LARP1B: variants seen among roughly 807,000 people sequenced by gnomAD.
LARP1B encodes the protein La ribonucleoprotein 1B.
In LARP1B, 76 loss-of-function variants were observed where a neutral mutation model predicts 114.2. That is an observed-to-expected ratio of 0.67 (90% CI 0.55 to 0.81). LARP1B has a LOEUF of 0.81. Among genes scored for constraint, LARP1B ranks in the 30% least tolerant of loss-of-function variants. LARP1B has a pLI of 0.00. For synonymous variants in LARP1B, 345 were observed against 348.0 expected, an observed-to-expected ratio of 0.99 and a Z score of 0.10; for missense variants, 1,014 against 1,075.8, an observed-to-expected ratio of 0.94 and a Z score of 0.80.
intron 16 of LARP1B, 101 bp from the exon 17 acceptor site, chr4:128,200,420 G>T: frequency 1.3e-6 from 1 of 775,266 alleles, no homozygotes; most frequent in Non-Finnish European, 1.9e-6. Flanking sequence ...ACACTTTGAG[G>T]ATTAATATGG....
chr4:128,095,781 AATG>A (rs1245197073), intron 7 of LARP1B, among the ~76,000 whole-genome samples: 1 of 152,088 alleles, frequency 6.6e-6, no homozygotes, highest in African/African-American at 2.4e-5. Context: ...TATACCCCAA[AATG>A]TGAGCTGGTT....
chr4:128,110,282 CTA>C (rs1406341186), intron 9 of LARP1B, among the ~76,000 whole-genome samples: 2 of 151,998 alleles, frequency 1.3e-5, no homozygotes, highest in Non-Finnish European at 2.9e-5. Flanking sequence ...ATATATGTAT[CTA>C]AATTTTTTTT....
chr4:128,161,110 A>G (rs1738263837), intron 11 of LARP1B, among the ~76,000 whole-genome samples: 1 of 152,180 alleles, frequency 6.6e-6, no homozygotes, highest in Non-Finnish European at 1.5e-5. Context: ...TTTATTGGGA[A>G]AAACTTAGAA....
chr4:128,205,962 C>T (rs1561572734), intron 17 of LARP1B, among the ~76,000 whole-genome samples: 1 of 152,108 alleles, frequency 6.6e-6, no homozygotes, highest in Non-Finnish European at 1.5e-5. Flanking sequence ...AATAGCAAAG[C>T]CAGCTGTAGA....
chr4:128,065,320 TC>T (rs1561012528), intron 1 of LARP1B, among the ~76,000 whole-genome samples: 183 of 82,214 alleles, frequency 2.2e-3, no homozygotes, highest in Middle Eastern at 6.7e-3. Context: ...TTTCTTTCTC[TC>T]TCTCTCTCTC....
chr4:128,166,944 C>T (rs1258965844), intron 12 of LARP1B, among the ~76,000 whole-genome samples: 2 of 96,478 alleles, frequency 2.1e-5, no homozygotes, highest in African/African-American at 8.9e-5. Flanking sequence ...CTCTCTCTCT[C>T]TCTCTCTCTC....
intron 1 of LARP1B, among the ~76,000 whole-genome samples, chr4:128,065,266 T>TTTCTTTCTTTCTTTCC (rs1762060754): frequency 1.1e-5 from 1 of 92,356 alleles, no homozygotes; most frequent in African/African-American, 3.7e-5. Flanking sequence ...TCTTTCTTTC[T>TTTCTTTCTTTCTTTCC]TTCTTTCTTT....
At chr4:128,099,809 T>C (rs1561206783) in intron 8 of LARP1B, among the ~76,000 whole-genome samples, 1 of 152,176 alleles carries the variant, frequency 6.6e-6, no homozygotes, top group Non-Finnish European at 1.5e-5. Flanking sequence ...CCTATCTTTA[T>C]AAGAAAATGC....
intron 12 of LARP1B, among the ~76,000 whole-genome samples, chr4:128,166,869 GTT>G: frequency 6.8e-6 from 1 of 147,486 alleles, no homozygotes; most frequent in Admixed American, 6.8e-5. Flanking sequence ...ATGTCCTCCA[GTT>G]TCATCCATGT....
Position 128,211,726 on chromosome 4 carries a change from TCA to T in LARP1B, c.*1674_*1675del, listed in dbSNP as rs1447882778. The T allele has an allele frequency of 1.0e-6, 1 of 983,378 alleles. No homozygotes were observed. The highest frequency in any genetic ancestry group is 1.2e-6 in the Non-Finnish European group (1 of 828,212). 60.9% of individuals were successfully genotyped at this position (983,378 alleles called of 1,614,324 possible). ...CTCTTGAAATGATCATAAATTTTTCTCAGTGTCCTTTTTGTGTTGAACACATA... is the reference window on the plus strand; with the variant it reads ...CTCTTGAAATGATCATAAATTTTTCTGTGTCCTTTTTGTGTTGAACACATA... On this transcript the variant is annotated 3_prime_UTR_variant, in exon 20 of 20. Coordinates refer to ENST00000326639, the MANE Select transcript of LARP1B (RefSeq NM_018078.4).
At position 128,136,020 on chromosome 4, in the gene LARP1B, C is replaced by T. The variant is rs192289820; in HGVS notation, c.1524+13832C>T. On this transcript the variant is annotated intron_variant, in intron 11 of 19. Transcript: ENST00000326639. ...AAACTTAATACACATAGGCCAGGTG[C>T]GGTGGCTCAGACCTGTAATCCCACC... 1.2e-3 allele frequency among the ~76,000 whole-genome samples: 188 copies of T among 151,988 alleles called. 1 individual carries two copies. In the Middle Eastern group the frequency reaches 0.014, roughly 11 times the overall value.
chr4:128,100,243 A>G (rs7671235), intron 8 of LARP1B, among the ~76,000 whole-genome samples: 91,575 of 151,706 alleles, frequency 0.6, 28,482 homozygotes, highest in Middle Eastern at 0.8. Context: ...GATTACAGGC[A>G]TGAGCTACCG....
chr4:128,094,840 C>T (rs912387167), intron 7 of LARP1B, among the ~76,000 whole-genome samples: 1 of 152,006 alleles, frequency 6.6e-6, no homozygotes, highest in Non-Finnish European at 1.5e-5. Context: ...CAACCTCCGC[C>T]TCCCGAGTCC....
rs1345116261 is a variant in LARP1B at position 128,069,691 on chromosome 4, C to A, written c.-77-4769C>A. On this transcript the variant is annotated intron_variant, in intron 1 of 19. Transcript: ENST00000326639. Reference sequence around the variant, plus strand: ...AAAATCACAATATGGGTTTATTAATCCCTTACTTGTATTTATGGTTGTTTT... The same window carrying A: ...AAAATCACAATATGGGTTTATTAATACCTTACTTGTATTTATGGTTGTTTT... 4 of 405,692 alleles carry A rather than the reference C, an allele frequency of 9.9e-6. No homozygotes were observed. In the Admixed American group the frequency reaches 1.6e-4, roughly 16 times the overall value. The allele number at this position is 405,692 out of a possible 1,614,324, so 25.1% of individuals were successfully genotyped here. A position where few individuals can be genotyped will look rare whatever the true frequency, so the allele number is the denominator to read the frequency against.
At chr4:128,158,456 A>G (rs1285915216) in intron 11 of LARP1B, among the ~76,000 whole-genome samples, 1 of 152,210 alleles carries the variant, frequency 6.6e-6, no homozygotes, top group Non-Finnish European at 1.5e-5. Flanking sequence ...ATTGCACTAC[A>G]TTAAAGGACT....
At chr4:128,120,480 G>T (rs561309518) in intron 10 of LARP1B, among the ~76,000 whole-genome samples, 8 of 144,848 alleles carry the variant, frequency 5.5e-5, no homozygotes, top group African/African-American at 2.0e-4. Flanking sequence ...ATGGGGTCTC[G>T]CTCTGTCACC....
chr4:128,077,449 C>T (rs186278623), intron 3 of LARP1B, among the ~76,000 whole-genome samples: 1 of 151,902 alleles, frequency 6.6e-6, no homozygotes, highest in Admixed American at 6.6e-5. Context: ...TGCAGTGAGC[C>T]GAGATCGTGC....
At chr4:128,079,187 C>T (rs974579131) in intron 4 of LARP1B, among the ~76,000 whole-genome samples, 1 of 151,312 alleles carries the variant, frequency 6.6e-6, no homozygotes, top group Admixed American at 6.6e-5. Flanking sequence ...CTCTGCCTCC[C>T]GGGTTCTAGG....
chr4:128,175,646 T>C (rs573615982), intron 12 of LARP1B, among the ~76,000 whole-genome samples: 2 of 152,252 alleles, frequency 1.3e-5, no homozygotes, highest in Admixed American at 1.3e-4. Flanking sequence ...AATGAGTTGG[T>C]GCCCTAGGAC....
Sources: allele counts gnomAD v4.1 joint callset (sites outside exome capture counted in the v4.1 genomes callset), GRCh38; gene constraint gnomAD v4.1.1; transcripts MANE v1.5; gene names NCBI Gene and HGNC (gene_info 2026-07-23, HGNC 2026-07-21).